LCOR: variants seen among roughly 807,000 people sequenced by gnomAD.
LCOR encodes the protein ligand-dependent corepressor.
A neutral mutation model predicts 64.4 loss-of-function variants in LCOR; 14 were observed. The observed-to-expected ratio is 0.22, with a 90% CI of 0.14 to 0.34. The LOEUF is 0.34. Among genes scored for constraint, LCOR ranks in the 10% least tolerant of loss-of-function variants. LCOR has a pLI of 1.00. For synonymous variants in LCOR, 643 were observed against 642.5 expected, an observed-to-expected ratio of 1.00 and a Z score of -0.01; for missense variants, 1,686 against 1,765.3, an observed-to-expected ratio of 0.96 and a Z score of 0.80.
chr10:96,861,489 A>G (rs922471032), intron 2 of LCOR, among the ~76,000 whole-genome samples: 2 of 152,116 alleles, frequency 1.3e-5, no homozygotes, highest in African/African-American at 4.8e-5. Context: ...TCCCCCACCA[A>G]TAAGCAGGCA....
At chr10:96,970,327 G>T (rs1282587253) in intron 7 of LCOR, among the ~76,000 whole-genome samples, 1 of 152,028 alleles carries the variant, frequency 6.6e-6, no homozygotes, top group African/African-American at 2.4e-5. Context: ...GAGCCCGGGA[G>T]GCGGAGGTTG....
intron 2 of LCOR, among the ~76,000 whole-genome samples, chr10:96,839,682 T>A (rs1439566183): frequency 1.3e-5 from 2 of 152,180 alleles, no homozygotes; most frequent in Non-Finnish European, 2.9e-5. Flanking sequence ...ATACAATATA[T>A]TTTTTCTTGC....
rs1848127046 is a variant in LCOR at position 96,984,433 on chromosome 10, C to T, written c.3973C>T (p.Arg1325Cys). The part of the protein sequence containing the change: ...NIRGKLRAQQ[R>C]LIKNEKMECP... ...TCGAGGAAAGCTCAGAGCCCAGCAA[C>T]GTTTAATCAAGAATGAGAAAATGGA... is the stretch of plus-strand genomic sequence containing the variant. Residue 1325 changes from arginine (R) to cysteine (C), a missense_variant, in exon 8 of 8, where the codon CGT (arginine) becomes TGT (cysteine). Around this residue, in one of 3 missense-constraint regions of LCOR, gnomAD observed 1,293 missense variants for 1,410.4 expected, o/e 0.92. Transcript: ENST00000421806. 21 of 1,614,192 alleles carry T rather than the reference C, an allele frequency of 1.3e-5. No individual in the cohort carries two copies. The highest frequency in any genetic ancestry group is 3.3e-5 in the South Asian group (3 of 91,084).
At chr10:96,937,309 A>C (rs982554870) in intron 4 of LCOR, among the ~76,000 whole-genome samples, 1 of 152,076 alleles carries the variant, frequency 6.6e-6, no homozygotes, top group Non-Finnish European at 1.5e-5. Context: ...AGGGAAAATG[A>C]CCCTATTGAC....
At chr10:96,839,599 A>G (rs566514315) in intron 2 of LCOR, among the ~76,000 whole-genome samples, 1 of 152,326 alleles carries the variant, frequency 6.6e-6, no homozygotes, top group East Asian at 1.9e-4. Context: ...GAATCTCACT[A>G]GCAGTATTTT....
chr10:96,984,133 CT>C lies in LCOR; in HGVS notation c.3674del (p.Leu1225HisfsTer11). ...HPLQKYAPSSLYPSSLQAERL... is the reference protein window; with the variant it reads ...HPLQKYAPSSXYPSSLQAERL... ...TCTTCAGAAATACGCTCCTTCCAGC[CT>C]ATATCCCAGTTCACTACAGGCTGAG... is the stretch of plus-strand genomic sequence containing the variant. On this transcript the variant is annotated frameshift_variant, in exon 8 of 8. Coordinates refer to ENST00000421806, the MANE Select transcript of LCOR (RefSeq NM_001346516.2). LOFTEE classifies it high-confidence loss of function. The C allele has an allele frequency of 6.2e-7, 1 of 1,614,186 alleles. No homozygotes were observed. Among genetic ancestry groups the C allele is most frequent in the Non-Finnish European group, 8.5e-7 (1 of 1,180,034 alleles).
chr10:96,957,675 T>C, intron 7 of LCOR: 1 of 985,426 alleles, frequency 1.0e-6, no homozygotes, highest in Non-Finnish European at 1.2e-6. Context: ...GCATAAATTC[T>C]TGCCTGGAAA....
intron 2 of LCOR, among the ~76,000 whole-genome samples, chr10:96,886,646 G>GT (rs1269680713): frequency 6.6e-6 from 1 of 150,910 alleles, no homozygotes; most frequent in South Asian, 2.1e-4. Context: ...AATTTGGGTT[G>GT]TTTTTTCCTT....
At chr10:96,895,863 G>T (rs535520445) in intron 2 of LCOR, among the ~76,000 whole-genome samples, 1 of 152,174 alleles carries the variant, frequency 6.6e-6, no homozygotes, top group South Asian at 2.1e-4. Flanking sequence ...CAGAAGGATC[G>T]CTTGAGACCA....
In LCOR at chr10:96,949,076, C is replaced by A. The variant is rs201502124; in HGVS notation, c.19C>A (p.Gln7Lys). 1.9e-6 allele frequency: 3 copies of A among 1,613,858 alleles called. No homozygotes were observed. Among genetic ancestry groups the A allele is most frequent in the Non-Finnish European group, 2.5e-6 (3 of 1,179,886 alleles). Reference sequence around the variant, plus strand: ...TGAGATCATGCAGCGAATGATCCAACAATTTGCTGCTGAATATACCTCAAA... The same window carrying A: ...TGAGATCATGCAGCGAATGATCCAAAAATTTGCTGCTGAATATACCTCAAA... Reference protein sequence around the residue: MQRMIQQFAAEYTSKNS... With the variant: MQRMIQKFAAEYTSKNS... Residue 7 changes from glutamine to lysine, a missense_variant, in exon 6 of 8, where the codon CAA becomes AAA. Around this residue, in one of 3 missense-constraint regions of LCOR, gnomAD observed 80 missense variants for 107.7 expected, o/e 0.74. Coordinates refer to ENST00000421806, the MANE Select transcript of LCOR (RefSeq NM_001346516.2).
At chr10:96,971,043 G>A (rs1053866304) in intron 7 of LCOR, among the ~76,000 whole-genome samples, 3 of 152,122 alleles carry the variant, frequency 2.0e-5, no homozygotes, top group African/African-American at 7.2e-5. Flanking sequence ...TGTGTACTGG[G>A]TCACTTTGTA....
chr10:96,879,562 A>G (rs1208890256), intron 2 of LCOR, among the ~76,000 whole-genome samples: 3 of 152,242 alleles, frequency 2.0e-5, no homozygotes, highest in African/African-American at 7.2e-5. Flanking sequence ...TAGAAATTAT[A>G]TCTCATGGTG....
chr10:96,849,096 C>T (rs1456083117), intron 2 of LCOR, among the ~76,000 whole-genome samples: 1 of 86,846 alleles, frequency 1.2e-5, no homozygotes, highest in African/African-American at 4.5e-5. Flanking sequence ...TTTTTTGAGA[C>T]GGAGTCTCCC....
intron 7 of LCOR, chr10:96,957,392 T>C: frequency 1.0e-6 from 1 of 985,196 alleles, no homozygotes; most frequent in Non-Finnish European, 1.2e-6. Flanking sequence ...GGGAAGTTTA[T>C]TTTCTGCGGT....
chr10:96,862,449 A>G (rs1845902804), intron 2 of LCOR, among the ~76,000 whole-genome samples: 1 of 152,072 alleles, frequency 6.6e-6, no homozygotes, highest in Non-Finnish European at 1.5e-5. Flanking sequence ...TATTTTTTGA[A>G]GAGATGGGGT....
At chr10:96,909,033 TCTTAA>T (rs1362953019) in intron 4 of LCOR, among the ~76,000 whole-genome samples, 1 of 152,148 alleles carries the variant, frequency 6.6e-6, no homozygotes, top group Non-Finnish European at 1.5e-5. Context: ...TCCTATACAC[TCTTAA>T]CTTAAATCAT....
chr10:96,937,154 A>G (rs888339386), intron 4 of LCOR, among the ~76,000 whole-genome samples: 1 of 152,220 alleles, frequency 6.6e-6, no homozygotes, highest in Admixed American at 6.5e-5. Flanking sequence ...TTGGAGACAC[A>G]GACACACACA....
rs781127446 is a variant in LCOR at position 96,980,816 on chromosome 10, C to T, written c.356C>T (p.Ala119Val). 5.7e-6 allele frequency: 4 copies of T among 702,284 alleles called. No individual in the cohort carries two copies. The highest frequency in any genetic ancestry group is 1.5e-5 in the South Asian group (1 of 67,520). The allele number at this position is 702,284 out of a possible 1,614,324, so 43.5% of individuals were successfully genotyped here. ...GNGENSTEAK[A>V]VDSNNQSKSP... ...AGTGAGAACTCAACAGAGGCAAAAG[C>T]AGTAGATTCTAACAATCAGTCGAAG... The change falls in exon 8 of 8, where the codon GCA becomes GTA. Residue 119 changes from alanine to valine, a missense_variant. Ala to Val is a moderately conservative substitution (Grantham distance 64). Around this residue, in one of 3 missense-constraint regions of LCOR, gnomAD observed 313 missense variants for 247.2 expected, o/e 1.27. Transcript: ENST00000421806.
chr10:96,949,351 G>GAAAA, intron 6 of LCOR, 56 bp downstream of exon 6: 1 of 1,313,934 alleles, frequency 7.6e-7, no homozygotes. Context: ...ACTTTGGGGA[G>GAAAA]AAAAAAAAAA....
Sources: allele counts gnomAD v4.1 joint callset (sites outside exome capture counted in the v4.1 genomes callset), GRCh38; gene constraint gnomAD v4.1.1; regional missense constraint gnomAD v4.1.1; transcripts MANE v1.5; gene names NCBI Gene and HGNC (gene_info 2026-07-23, HGNC 2026-07-21).